PDE3A: variants seen among roughly 807,000 people sequenced by gnomAD.
The protein encoded by PDE3A is phosphodiesterase 3A.
Under a neutral mutation model 98.3 loss-of-function variants are expected in PDE3A, and 43 were observed. The observed-to-expected ratio is 0.44, with a 90% CI of 0.34 to 0.56. The LOEUF is 0.56. PDE3A is among the 20% of genes least tolerant of loss of function. The pLI is 0.01. For synonymous variants in PDE3A, 663 were observed against 567.9 expected, an observed-to-expected ratio of 1.17 and a Z score of -2.38; for missense variants, 1,427 against 1,440.7, an observed-to-expected ratio of 0.99 and a Z score of 0.15.
chr12:20,430,308 G>C (rs561739972), intron 1 of PDE3A, among the ~76,000 whole-genome samples: 1 of 152,156 alleles, frequency 6.6e-6, no homozygotes, highest in African/African-American at 2.4e-5. Flanking sequence ...AAGGCCAAAT[G>C]ATTTTTTTTT....
chr12:20,556,352 G>A (rs1942367932), intron 1 of PDE3A, among the ~76,000 whole-genome samples: 1 of 151,932 alleles, frequency 6.6e-6, no homozygotes, highest in Non-Finnish European at 1.5e-5. Context: ...AAAAGCTAAA[G>A]GCTTAATAAT....
Position 20,624,799 on chromosome 12 carries a change from T to G in PDE3A, c.1540+3388T>G, listed in dbSNP as rs545652789. On this transcript the variant is annotated intron_variant, in intron 5 of 15. Transcript: ENST00000359062. ...CCTAATCAGATGGGCCCTTCTGCTT[T>G]AAAATCCTTGCTTCCCTGTTTGGGT... 1.3e-4 allele frequency among the ~76,000 whole-genome samples: 20 copies of G among 152,314 alleles called. No homozygotes were observed. The East Asian group carries it at 3.9e-3, about 29-fold the overall frequency.
At chr12:20,461,640 G>A (rs1447340155) in intron 1 of PDE3A, among the ~76,000 whole-genome samples, 2 of 152,076 alleles carry the variant, frequency 1.3e-5, no homozygotes, top group Non-Finnish European at 2.9e-5. Flanking sequence ...TCTAGGTAAT[G>A]TATATTAAGC....
intron 2 of PDE3A, among the ~76,000 whole-genome samples, chr12:20,582,153 C>T (rs188354541): frequency 1.3e-5 from 2 of 151,390 alleles, no homozygotes; most frequent in African/African-American, 4.9e-5. Flanking sequence ...AGGAAATATC[C>T]TTTTGTGGTT....
intron 4 of PDE3A, among the ~76,000 whole-genome samples, chr12:20,620,798 C>A (rs911611121): frequency 1.4e-5 from 2 of 144,848 alleles, no homozygotes; most frequent in Admixed American, 7.2e-5. Flanking sequence ...AGATCATTTC[C>A]GTCACAAGGA....
At position 20,685,541 on chromosome 12, in the gene PDE3A, G is replaced by C. The variant is rs1945937757; in HGVS notation, c.*5270G>C. ...ATTCAAAAATACTGACCTAGTATCA[G>C]TGTAGGTAAGACCATAAAATACAGT... is the stretch of plus-strand genomic sequence containing the variant. On this transcript the variant is annotated 3_prime_UTR_variant, in exon 16 of 16. Coordinates refer to ENST00000359062, the MANE Select transcript of PDE3A (RefSeq NM_000921.5). Among the ~76,000 whole-genome samples, 1 of 151,788 alleles carries C rather than the reference G, an allele frequency of 6.6e-6. No individual in the cohort carries two copies. Among genetic ancestry groups the C allele is most frequent in the Non-Finnish European group, 1.5e-5 (1 of 68,002 alleles).
intron 1 of PDE3A, among the ~76,000 whole-genome samples, chr12:20,385,112 C>T (rs1241001792): frequency 6.6e-6 from 1 of 152,048 alleles, no homozygotes; most frequent in Non-Finnish European, 1.5e-5. Context: ...ACCACACTGT[C>T]TTCCACAATG....
chr12:20,392,203 T>C (rs922170283), intron 1 of PDE3A, among the ~76,000 whole-genome samples: 1 of 152,026 alleles, frequency 6.6e-6, no homozygotes, highest in African/African-American at 2.4e-5. Flanking sequence ...ACCTTCTGTT[T>C]TTGTTTGGTC....
chr12:20,640,838 T>G (rs572365290), intron 10 of PDE3A, among the ~76,000 whole-genome samples: 1 of 151,750 alleles, frequency 6.6e-6, no homozygotes, highest in Non-Finnish European at 1.5e-5. Context: ...AATAAATATA[T>G]AGAAAGAAAA....
chr12:20,621,525 TG>T, intron 5 of PDE3A, 114 bp downstream of exon 5: 1 of 627,294 alleles, frequency 1.6e-6, no homozygotes, highest in Non-Finnish European at 2.8e-6. Flanking sequence ...ATGTTTGGTT[TG>T]TCTATTCTAA....
chr12:20,625,572 G>C (rs908244018), intron 5 of PDE3A, among the ~76,000 whole-genome samples: 1 of 151,820 alleles, frequency 6.6e-6, no homozygotes, highest in Non-Finnish European at 1.5e-5. Flanking sequence ...TTTTCACCTG[G>C]GCATGGAAAA....
Position 20,462,782 on chromosome 12 carries a change from AG to A in PDE3A, c.960+92539del, listed in dbSNP as rs1429204567. ...GTAAAATATCAACATACTTTAAGAA[AG>A]TAAAAGCTATACTTTTTTTTTTTAT... is the stretch of plus-strand genomic sequence containing the variant. On this transcript the variant is annotated intron_variant, in intron 1 of 15. Coordinates refer to ENST00000359062, the MANE Select transcript of PDE3A (RefSeq NM_000921.5). Among the ~76,000 whole-genome samples, 4 of 152,230 alleles carry A rather than the reference AG, an allele frequency of 2.6e-5. No individual in the cohort carries two copies. The East Asian group carries it at 7.7e-4, about 29-fold the overall frequency.
At chr12:20,658,699 C>T (rs1945095056) in intron 15 of PDE3A, among the ~76,000 whole-genome samples, 1 of 152,170 alleles carries the variant, frequency 6.6e-6, no homozygotes, top group Admixed American at 6.5e-5. Flanking sequence ...GATAGGCCTG[C>T]CTGCTGGCCT....
chr12:20,497,304 T>A (rs1247314914), intron 1 of PDE3A, among the ~76,000 whole-genome samples: 1 of 151,912 alleles, frequency 6.6e-6, no homozygotes, highest in Non-Finnish European at 1.5e-5. Flanking sequence ...ATTTTTATAA[T>A]TTATTACAAT....
At chr12:20,494,699 C>T (rs1945887278) in intron 1 of PDE3A, among the ~76,000 whole-genome samples, 1 of 152,078 alleles carries the variant, frequency 6.6e-6, no homozygotes, top group South Asian at 2.1e-4. Flanking sequence ...TTCCTGCTTT[C>T]CTACTTCTGG....
At chr12:20,405,104 A>G (rs897116039) in intron 1 of PDE3A, among the ~76,000 whole-genome samples, 7 of 152,242 alleles carry the variant, frequency 4.6e-5, no homozygotes, top group Admixed American at 2.0e-4. Context: ...GAAATGGAAA[A>G]GGGGAAATAG....
chr12:20,526,892 G>C (rs1337176128), intron 1 of PDE3A, among the ~76,000 whole-genome samples: 3 of 100,174 alleles, frequency 3.0e-5, no homozygotes, highest in African/African-American at 1.2e-4. Flanking sequence ...TTCTGTGTGT[G>C]TGTGTGTGTG....
rs1944346163 is a variant in PDE3A at position 20,630,019 on chromosome 12, C to T, written c.1652C>T (p.Ala551Val). The T allele has an allele frequency of 6.2e-7, 1 of 1,613,874 alleles. No individual in the cohort carries two copies. The highest frequency in any genetic ancestry group is 8.5e-7 in the Non-Finnish European group (1 of 1,179,792). The change falls in exon 6 of 16, where the codon GCT (alanine) becomes GTT (valine). Residue 551 changes from alanine (A) to valine (V), a missense_variant. This residue lies in a region of PDE3A where 1,012 missense variants were observed against 886.5 expected (regional missense o/e 1.14). Transcript: ENST00000359062. The stretch of plus-strand genomic sequence containing the variant: ...TCTGCAGTGCAGTTTCCAGAATCTG[C>T]TGACACAACTGCCAAACAAAGCCTA... ...KISAVQFPES[A>V]DTTAKQSLGS...
Position 20,624,391 on chromosome 12 carries a change from G to A in PDE3A, c.1540+2980G>A, listed in dbSNP as rs116510551. 3.0e-3 allele frequency among the ~76,000 whole-genome samples: 452 copies of A among 152,256 alleles called. 5 individuals carry two copies. The highest frequency in any genetic ancestry group is 0.01 in the African/African-American group (429 of 41,558). Reference sequence around the variant, plus strand: ...CCCTGGAAATATCAGATCAAGTGATGGAACAGCCTCATATTCCTGTGTCCT... The same window carrying A: ...CCCTGGAAATATCAGATCAAGTGATAGAACAGCCTCATATTCCTGTGTCCT... On this transcript the variant is annotated intron_variant, in intron 5 of 15. Coordinates refer to ENST00000359062, the MANE Select transcript of PDE3A (RefSeq NM_000921.5).
Sources: allele counts gnomAD v4.1 joint callset (sites outside exome capture counted in the v4.1 genomes callset), GRCh38; gene constraint gnomAD v4.1.1; regional missense constraint gnomAD v4.1.1; transcripts MANE v1.5; gene names NCBI Gene and HGNC (gene_info 2026-07-23, HGNC 2026-07-21).